CENPW: variants seen among roughly 807,000 people sequenced by gnomAD.
CENPW encodes centromere protein W.
In CENPW, 3 loss-of-function variants were observed where a neutral mutation model predicts 11.1. The observed-to-expected ratio is 0.27, with a 90% CI of 0.12 to 0.70. The LOEUF is 0.70. Ranked by LOEUF, CENPW falls within the 30% of genes least tolerant of loss-of-function variation. The probability of loss-of-function intolerance (pLI) is 0.77; values close to 1 mark genes in which losing one functional copy is unlikely to be tolerated. For missense variants in CENPW, 100 were observed against 105.6 expected (o/e 0.95, Z 0.23); for synonymous variants, 38 against 42.0 (o/e 0.91, Z 0.37).
the CENPW span, among the ~76,000 whole-genome samples, chr6:126,466,699 G>T: frequency 6.6e-6 from 1 of 151,960 alleles, no homozygotes; most frequent in Admixed American, 6.6e-5. Flanking sequence ...ATATTGAGTT[G>T]ATTTTTATAT....
intron 1 of CENPW, among the ~76,000 whole-genome samples, chr6:126,341,928 G>GT (rs1202778466): frequency 6.6e-6 from 1 of 152,202 alleles, no homozygotes; most frequent in Non-Finnish European, 1.5e-5. Flanking sequence ...GCATGGGAAA[G>GT]TGGGTGAGTT....
the CENPW span, among the ~76,000 whole-genome samples, chr6:126,433,758 A>T: frequency 6.6e-6 from 1 of 152,132 alleles, no homozygotes; most frequent in Non-Finnish European, 1.5e-5. Context: ...AAATATTAAT[A>T]GCAAGTTTTA....
the CENPW span, among the ~76,000 whole-genome samples, chr6:126,357,323 TTAC>T: frequency 6.6e-6 from 1 of 152,212 alleles, no homozygotes; most frequent in African/African-American, 2.4e-5. Context: ...GCTGTTTTGA[TTAC>T]TGTAGCCTTA....
the CENPW span, among the ~76,000 whole-genome samples, chr6:126,379,482 T>C: frequency 6.6e-6 from 1 of 152,214 alleles, no homozygotes; most frequent in African/African-American, 2.4e-5. Flanking sequence ...CCTCCAGGGC[T>C]GTCAGCCTGG....
intron 1 of CENPW, 120 bp from the exon 2 acceptor site, chr6:126,346,085 A>G (rs977094598): frequency 9.9e-6 from 5 of 503,850 alleles, no homozygotes; most frequent in South Asian, 3.9e-5. Flanking sequence ...AGAAGAGTTA[A>G]TTTACTTAAT....
the CENPW span, among the ~76,000 whole-genome samples, chr6:126,471,623 A>G: frequency 2.0e-5 from 3 of 152,334 alleles, no homozygotes; most frequent in Non-Finnish European, 4.4e-5. Flanking sequence ...CACAGTAATC[A>G]AAATAAACAG....
rs1268569039 is a variant in CENPW at position 126,348,566 on chromosome 6, C to T, written c.*74C>T. 3 of 874,854 alleles carry T rather than the reference C, an allele frequency of 3.4e-6. No homozygotes were observed. Among genetic ancestry groups the T allele is most frequent in the African/African-American group, 3.4e-5 (2 of 59,082 alleles). 54.2% of individuals were successfully genotyped at this position (874,854 alleles called of 1,614,324 possible). A position where few individuals can be genotyped will look rare whatever the true frequency, so the allele number is the denominator to read the frequency against. On this transcript the variant is annotated 3_prime_UTR_variant, in exon 3 of 3. Coordinates refer to ENST00000368328, the MANE Select transcript of CENPW (RefSeq NM_001012507.4). The stretch of plus-strand genomic sequence containing the variant: ...TAACAGATCATAAAGACATTTTTTA[C>T]ACATCAGTTAATATGGGATTATTAA...
At chr6:126,394,112 G>T in the CENPW span, among the ~76,000 whole-genome samples, 1 of 151,802 alleles carries the variant, frequency 6.6e-6, no homozygotes, top group Non-Finnish European at 1.5e-5. Flanking sequence ...TGAAGAGTTT[G>T]GTCCATTTAC....
chr6:126,471,214 G>A, the CENPW span, among the ~76,000 whole-genome samples: 1 of 152,082 alleles, frequency 6.6e-6, no homozygotes, highest in Admixed American at 6.6e-5. Context: ...AATTATGGGT[G>A]CCATTTCCCC....
the CENPW span, among the ~76,000 whole-genome samples, chr6:126,403,694 A>C: frequency 6.6e-6 from 1 of 152,140 alleles, no homozygotes; most frequent in Non-Finnish European, 1.5e-5. Flanking sequence ...AAGCTAAAGT[A>C]CAAGATGAAA....
the CENPW span, among the ~76,000 whole-genome samples, chr6:126,429,414 C>T: frequency 2.6e-5 from 4 of 152,138 alleles, no homozygotes. Flanking sequence ...TTCCCCATCC[C>T]TTGGTGCTGT....
At chr6:126,373,753 A>G in the CENPW span, among the ~76,000 whole-genome samples, 1 of 152,202 alleles carries the variant, frequency 6.6e-6, no homozygotes, top group African/African-American at 2.4e-5. Context: ...GAGGCCTCCA[A>G]GAGTTAGAAA....
intron 1 of CENPW, among the ~76,000 whole-genome samples, chr6:126,342,226 A>G (rs556761198): frequency 6.6e-6 from 1 of 152,330 alleles, no homozygotes; most frequent in South Asian, 2.1e-4. Context: ...AGGGAGCAGC[A>G]TTTGTAAAGA....
At chr6:126,454,763 C>G in the CENPW span, among the ~76,000 whole-genome samples, 1 of 150,790 alleles carries the variant, frequency 6.6e-6, no homozygotes, top group Non-Finnish European at 1.5e-5. Context: ...ACAGATCATA[C>G]AAAAGTTCAA....
the CENPW span, among the ~76,000 whole-genome samples, chr6:126,393,826 T>C: frequency 1.3e-5 from 2 of 151,076 alleles, no homozygotes; most frequent in African/African-American, 2.4e-5. Context: ...ATGTGCATCA[T>C]GTATTTACAT....
the CENPW span, among the ~76,000 whole-genome samples, chr6:126,458,590 G>A: frequency 6.6e-6 from 1 of 151,144 alleles, no homozygotes; most frequent in Non-Finnish European, 1.5e-5. Context: ...TGTGTACTGA[G>A]GAAGAAAATA....
chr6:126,363,217 T>G, the CENPW span, among the ~76,000 whole-genome samples: 1 of 152,328 alleles, frequency 6.6e-6, no homozygotes, highest in Non-Finnish European at 1.5e-5. Flanking sequence ...ATTTCATCAC[T>G]TGGCCATCTA....
chr6:126,344,889 G>A (rs975178679), intron 1 of CENPW, among the ~76,000 whole-genome samples: 1 of 152,156 alleles, frequency 6.6e-6, no homozygotes. Flanking sequence ...TGAATGTTAA[G>A]TATTGTGTAT....
the CENPW span, among the ~76,000 whole-genome samples, chr6:126,357,661 TGC>T: frequency 6.6e-6 from 1 of 152,100 alleles, no homozygotes; most frequent in African/African-American, 2.4e-5. Context: ...CAGCCTGTAG[TGC>T]AGTGGTGCAA....
Sources: gnomAD v4.1 joint callset for allele counts (sites outside exome capture counted in the v4.1 genomes callset) on GRCh38, gnomAD v4.1.1 for gene constraint, MANE v1.5 for transcripts, NCBI Gene and HGNC (gene_info 2026-07-23, HGNC 2026-07-21) for gene names.